Variants in CDH20 observed in about 807,000 individuals in gnomAD.
The protein encoded by CDH20 is cadherin-20.
CDH20 carries 29 observed loss-of-function variants against 74.2 expected under a neutral mutation model. The ratio of observed to expected loss-of-function variants is 0.39; its 90% confidence interval spans 0.29 to 0.53. The LOEUF (loss-of-function observed/expected upper bound fraction) is 0.53, where lower values mean the gene tolerates loss of function less well. CDH20 is among the 20% of genes least tolerant of loss of function. The probability of loss-of-function intolerance (pLI) is 0.69; values close to 1 mark genes in which losing one functional copy is unlikely to be tolerated. For synonymous variants in CDH20, 469 were observed against 405.4 expected, an observed-to-expected ratio of 1.16 and a Z score of -1.88; for missense variants, 988 against 1,048.3, an observed-to-expected ratio of 0.94 and a Z score of 0.79.
rs1241185140 is a variant in CDH20, at chr18:61,353,920, A to G, written c.-153+20093A>G. Among the ~76,000 whole-genome samples, 1 of 152,096 alleles carries G rather than the reference A, an allele frequency of 6.6e-6. No individual in the cohort carries two copies. Among genetic ancestry groups the G allele is most frequent in the Non-Finnish European group, 1.5e-5 (1 of 68,018 alleles). On this transcript the variant is annotated intron_variant, in intron 1 of 11. Transcript: ENST00000262717. The surrounding 1 kb of genome is among the most constrained non-coding windows in gnomAD (Gnocchi z 4.6). Reference sequence around the variant, plus strand: ...AACATAGCAAAACCCCATCTCTACCAAAAATACAAAATATTAGTTGGGCAT... The same window carrying G: ...AACATAGCAAAACCCCATCTCTACCGAAAATACAAAATATTAGTTGGGCAT...
At chr18:61,517,695 T>TTTTG (rs1555682484) in intron 6 of CDH20, among the ~76,000 whole-genome samples, 4,274 of 152,020 alleles carry the variant, frequency 0.028, 123 homozygotes, top group African/African-American at 0.07. Flanking sequence ...TGCAGTTTTT[T>TTTTG]TTGTTGTTGT....
intron 1 of CDH20, among the ~76,000 whole-genome samples, chr18:61,339,955 G>T (rs1446586198): frequency 1.3e-5 from 2 of 152,026 alleles, no homozygotes; most frequent in Non-Finnish European, 2.9e-5. Context: ...CTCGCAAAGT[G>T]CTGGGATTAC....
intron 9 of CDH20, among the ~76,000 whole-genome samples, chr18:61,543,094 C>T (rs1475679145): frequency 2.6e-5 from 4 of 152,148 alleles, no homozygotes; most frequent in East Asian, 3.9e-4. Flanking sequence ...TGGTAGGTGA[C>T]GGGGAAAAAT....
At chr18:61,435,279 A>T (rs112937156) in intron 1 of CDH20, among the ~76,000 whole-genome samples, 1 of 152,148 alleles carries the variant, frequency 6.6e-6, no homozygotes, top group Non-Finnish European at 1.5e-5. Flanking sequence ...TGGTACCACT[A>T]TATACTACAC....
intron 2 of CDH20, among the ~76,000 whole-genome samples, chr18:61,495,613 G>C (rs1305316648): frequency 2.6e-5 from 4 of 152,124 alleles, no homozygotes; most frequent in African/African-American, 9.7e-5. Flanking sequence ...AGCTCCTGCG[G>C]CCCCAGCCCA....
intron 11 of CDH20, among the ~76,000 whole-genome samples, chr18:61,553,171 T>C (rs1346786638): frequency 6.6e-6 from 1 of 152,168 alleles, no homozygotes; most frequent in African/African-American, 2.4e-5. Context: ...CATGTATGAA[T>C]GTACTCCACT....
At chr18:61,412,339 C>T (rs1007831301) in intron 1 of CDH20, among the ~76,000 whole-genome samples, 1 of 152,022 alleles carries the variant, frequency 6.6e-6, no homozygotes, top group Non-Finnish European at 1.5e-5. Context: ...TGTTATGTTA[C>T]AGAAAGTGCA....
At chr18:61,537,933 C>T (rs1489168273) in intron 8 of CDH20, among the ~76,000 whole-genome samples, 4 of 152,120 alleles carry the variant, frequency 2.6e-5, no homozygotes, top group South Asian at 2.1e-4. Context: ...TTCTGTGTCT[C>T]GCAATTTCTG....
intron 1 of CDH20, among the ~76,000 whole-genome samples, chr18:61,468,610 T>C (rs1910051713): frequency 6.6e-6 from 1 of 152,220 alleles, no homozygotes; most frequent in South Asian, 2.1e-4. Flanking sequence ...TCTTCCAATT[T>C]CAAGTCACTA....
intron 1 of CDH20, among the ~76,000 whole-genome samples, chr18:61,350,433 A>G (rs1204244974): frequency 6.6e-6 from 1 of 152,038 alleles, no homozygotes; most frequent in African/African-American, 2.4e-5. Flanking sequence ...TTAATATATC[A>G]TGGTAATTAT....
intron 3 of CDH20, 47 bp downstream of exon 3, chr18:61,499,527 T>TAC (rs753631465): frequency 7.6e-5 from 92 of 1,209,694 alleles, no homozygotes; most frequent in Middle Eastern, 3.0e-4. Context: ...CTCCTATATA[T>TAC]ATACACACAC....
intron 1 of CDH20, among the ~76,000 whole-genome samples, chr18:61,439,126 G>A (rs946054578): frequency 1.3e-5 from 2 of 151,960 alleles, no homozygotes; most frequent in South Asian, 4.2e-4. Context: ...GGGGAGCAAG[G>A]GTTGAAAATC....
chr18:61,488,329 A>G (rs1386670184), intron 1 of CDH20, among the ~76,000 whole-genome samples: 1 of 152,208 alleles, frequency 6.6e-6, no homozygotes, highest in African/African-American at 2.4e-5. Context: ...AAGCCCTTTC[A>G]GAATTCTGGC....
intron 10 of CDH20, among the ~76,000 whole-genome samples, chr18:61,547,730 CCA>C (rs557375687): frequency 2.6e-5 from 4 of 151,502 alleles, no homozygotes; most frequent in East Asian, 2.0e-4. Flanking sequence ...CACCCCCGCC[CCA>C]CACACACAGT....
At chr18:61,373,298 T>C (rs1911105796) in intron 1 of CDH20, among the ~76,000 whole-genome samples, 1 of 152,088 alleles carries the variant, frequency 6.6e-6, no homozygotes, top group Non-Finnish European at 1.5e-5. Context: ...TGTTGTCTTG[T>C]TTTAATTCTC....
chr18:61,547,844 G>A (rs907361121), intron 10 of CDH20, among the ~76,000 whole-genome samples: 4 of 151,960 alleles, frequency 2.6e-5, no homozygotes, highest in African/African-American at 9.7e-5. Context: ...TATATGCCAG[G>A]CCCCTTCCAG....
Position 61,357,416 on chromosome 18 carries a change from A to G in CDH20, c.-153+23589A>G, listed in dbSNP as rs551595627. ...AGAGGGTTTTTTCCCCCCTCCTATAACAAGTCTAGAGGTTGACAGTACAGG... is the reference window on the plus strand; with the variant it reads ...AGAGGGTTTTTTCCCCCCTCCTATAGCAAGTCTAGAGGTTGACAGTACAGG... On this transcript the variant is annotated intron_variant, in intron 1 of 11. Coordinates refer to ENST00000262717, the MANE Select transcript of CDH20 (RefSeq NM_031891.4). 3.3e-5 allele frequency among the ~76,000 whole-genome samples: 5 copies of G among 152,230 alleles called. No individual in the cohort carries two copies. The East Asian group carries it at 9.7e-4, about 29-fold the overall frequency.
chr18:61,406,906 T>A (rs1218818167), intron 1 of CDH20, among the ~76,000 whole-genome samples: 3 of 152,198 alleles, frequency 2.0e-5, no homozygotes, highest in Admixed American at 2.0e-4. Flanking sequence ...AGAAAGAAAG[T>A]AATCTTATTA....
chr18:61,553,879 T>C (rs1228339742), intron 11 of CDH20, among the ~76,000 whole-genome samples: 1 of 152,194 alleles, frequency 6.6e-6, no homozygotes, highest in Non-Finnish European at 1.5e-5. Flanking sequence ...TTAGTGGGAT[T>C]TTAAATTGGG....
Sources: gnomAD v4.1 joint callset for allele counts (sites outside exome capture counted in the v4.1 genomes callset) on GRCh38, gnomAD v4.1.1 for gene constraint, Gnocchi (gnomAD v3.1) non-coding constraint, MANE v1.5 for transcripts, NCBI Gene and HGNC (gene_info 2026-07-23, HGNC 2026-07-21) for gene names.